The following CTNNA2 variants were observed in gnomAD, a reference collection of about 807,000 sequenced individuals.
CTNNA2 encodes catenin alpha-2.
In CTNNA2, 42 loss-of-function variants were observed where a neutral mutation model predicts 101.0. The ratio of observed to expected loss-of-function variants is 0.42; its 90% confidence interval spans 0.32 to 0.54. The LOEUF (loss-of-function observed/expected upper bound fraction) is 0.54. CTNNA2 is among the 20% of genes least tolerant of loss of function. CTNNA2 has a pLI of 0.14. For missense variants in CTNNA2, 871 were observed against 1,223.1 expected (o/e 0.71, Z 4.29); for synonymous variants, 450 against 456.4 (o/e 0.99, Z 0.18).
chr2:79,483,526 T>C (rs1671129644), intron 4 of CTNNA2, among the ~76,000 whole-genome samples: 1 of 152,110 alleles, frequency 6.6e-6, no homozygotes, highest in Middle Eastern at 3.2e-3. Flanking sequence ...GAGGATCCAG[T>C]TCCCCATGGG....
chr2:80,603,213 AC>A (rs1471748104), intron 15 of CTNNA2, among the ~76,000 whole-genome samples: 3 of 152,150 alleles, frequency 2.0e-5, no homozygotes, highest in Non-Finnish European at 2.9e-5. Context: ...TTTACCTCTC[AC>A]AATAAGGGAA....
At chr2:79,233,683 T>A (rs1398341438) in intron 2 of CTNNA2, among the ~76,000 whole-genome samples, 1 of 152,072 alleles carries the variant, frequency 6.6e-6, no homozygotes, top group African/African-American at 2.4e-5. Flanking sequence ...TGTGGCTAAG[T>A]TTTTTTATAA....
intron 9 of CTNNA2, among the ~76,000 whole-genome samples, chr2:80,446,846 T>C (rs6547310): frequency 0.4 from 61,502 of 152,028 alleles, 18,251 homozygotes; most frequent in African/African-American, 0.81. Flanking sequence ...TATTCCTATT[T>C]TTTGGTGAAA....
chr2:79,990,054 A>G (rs992835587), intron 7 of CTNNA2, among the ~76,000 whole-genome samples: 1 of 152,166 alleles, frequency 6.6e-6, no homozygotes, highest in South Asian at 2.1e-4. Flanking sequence ...GTGGGAAGAA[A>G]CAAAGAGTGA....
chr2:79,466,490 A>C (rs370458103), intron 4 of CTNNA2, among the ~76,000 whole-genome samples: 1 of 152,190 alleles, frequency 6.6e-6, no homozygotes, highest in Non-Finnish European at 1.5e-5. Flanking sequence ...GAAACCTCTG[A>C]AGACTTAAAT....
rs3755100 is a variant in CTNNA2, at chr2:80,567,668, A to G, written c.1742-6495A>G. On this transcript the variant is annotated intron_variant, in intron 12 of 18. Coordinates refer to ENST00000402739, the MANE Select transcript of CTNNA2 (RefSeq NM_001282597.3). The stretch of plus-strand genomic sequence containing the variant: ...CTTACCTGGTATAGGGGACACTGGA[A>G]TGGCCCCACAGTGATCCTCCAAATT... Among the ~76,000 whole-genome samples the G allele has an allele frequency of 8.8e-3, 1,342 of 152,288 alleles. 57 individuals carry two copies. The highest frequency in any genetic ancestry group is 0.062 in the Admixed American group (953 of 15,296).
At chr2:80,559,891 T>TATATATATATATATATACACACACACAC (rs1553387588) in intron 12 of CTNNA2, among the ~76,000 whole-genome samples, 11 of 146,818 alleles carry the variant, frequency 7.5e-5, no homozygotes, top group African/African-American at 2.9e-4. Context: ...TATATATATA[T>TATATATATATATATATACACACACACAC]ACACACACAT....
intron 7 of CTNNA2, among the ~76,000 whole-genome samples, chr2:80,017,009 T>A (rs1440570451): frequency 6.6e-6 from 1 of 152,164 alleles, no homozygotes; most frequent in African/African-American, 2.4e-5. Context: ...AGGAACAGGA[T>A]CCTGATTCTA....
chr2:79,863,151 A>AAAC (rs1558591350), intron 4 of CTNNA2, among the ~76,000 whole-genome samples: 1 of 99,016 alleles, frequency 1.0e-5, no homozygotes, highest in Non-Finnish European at 2.1e-5. Flanking sequence ...AACAAACAAC[A>AAAC]AAAAAAAGTT....
intron 3 of CTNNA2, among the ~76,000 whole-genome samples, chr2:79,832,579 T>A (rs1419507595): frequency 6.6e-6 from 1 of 152,204 alleles, no homozygotes; most frequent in Non-Finnish European, 1.5e-5. Context: ...TATCTTTATA[T>A]GGATAGTTCA....
At chr2:79,712,789 T>C (rs1685826174) in intron 2 of CTNNA2, among the ~76,000 whole-genome samples, 1 of 152,212 alleles carries the variant, frequency 6.6e-6, no homozygotes, top group Admixed American at 6.5e-5. Flanking sequence ...GCATGTATAA[T>C]TGAGTCATAC....
intron 7 of CTNNA2, among the ~76,000 whole-genome samples, chr2:80,324,918 C>T (rs1193039711): frequency 6.6e-6 from 1 of 152,098 alleles, no homozygotes; most frequent in African/African-American, 2.4e-5. Flanking sequence ...CTGACCACTC[C>T]ATCTAAAGAA....
chr2:80,409,619 G>A (rs771624934), intron 8 of CTNNA2, among the ~76,000 whole-genome samples: 27 of 152,158 alleles, frequency 1.8e-4, no homozygotes, highest in Non-Finnish European at 2.6e-4. Context: ...AATAAATGAC[G>A]GAACACTGGC....
intron 2 of CTNNA2, among the ~76,000 whole-genome samples, chr2:79,661,576 T>C (rs192277224): frequency 5.3e-5 from 8 of 152,302 alleles, no homozygotes; most frequent in East Asian, 1.9e-4. Context: ...TTACAAGTTA[T>C]AGGTTGGGGC....
intron 7 of CTNNA2, among the ~76,000 whole-genome samples, chr2:79,917,060 CTTAT>C (rs1188744321): frequency 5.3e-5 from 6 of 112,892 alleles, no homozygotes; most frequent in Admixed American, 4.5e-4. Context: ...AATTCTCAGC[CTTAT>C]TTATTTATTT....
chr2:79,772,015 T>C (rs113375259), intron 3 of CTNNA2, among the ~76,000 whole-genome samples: 3,165 of 135,856 alleles, frequency 0.023, 113 homozygotes, highest in African/African-American at 0.079. Flanking sequence ...CCTCCCCTCC[T>C]CTCCTCTTCT....
At chr2:79,845,507 C>T (rs2103869602) in intron 3 of CTNNA2, among the ~76,000 whole-genome samples, 1 of 152,280 alleles carries the variant, frequency 6.6e-6, no homozygotes, top group Non-Finnish European at 1.5e-5. Context: ...TCCAAATCTC[C>T]CAAATTTCCC....
intron 7 of CTNNA2, among the ~76,000 whole-genome samples, chr2:80,258,615 A>G (rs771691566): frequency 3.3e-5 from 5 of 152,172 alleles, no homozygotes; most frequent in Admixed American, 2.0e-4. Context: ...TTCCAGAGGC[A>G]ACAGGGAAAT....
chr2:79,527,032 T>C (rs1672447140), intron 1 of CTNNA2, among the ~76,000 whole-genome samples: 2 of 152,132 alleles, frequency 1.3e-5, no homozygotes, highest in African/African-American at 2.4e-5. Context: ...TAAAAACTTT[T>C]ATGCATCAAA....
Sources: gnomAD v4.1 joint callset for allele counts (sites outside exome capture counted in the v4.1 genomes callset) on GRCh38, gnomAD v4.1.1 for gene constraint, MANE v1.5 for transcripts, NCBI Gene and HGNC (gene_info 2026-07-23, HGNC 2026-07-21) for gene names.